The following FBXO25 variants were observed in gnomAD, a reference collection of about 807,000 sequenced individuals.
FBXO25 encodes the protein F-box protein 25.
A neutral mutation model predicts 51.9 loss-of-function variants in FBXO25; 45 were observed. The ratio of observed to expected loss-of-function variants is 0.87; its 90% CI spans 0.68 to 1.11. The LOEUF is 1.11. Ranked by LOEUF, FBXO25 falls within the 50% of genes most tolerant of loss-of-function variation. The pLI is 0.00. For synonymous variants in FBXO25, 199 were observed against 151.0 expected, an observed-to-expected ratio of 1.32 and a Z score of -2.33; for missense variants, 507 against 428.5, an observed-to-expected ratio of 1.18 and a Z score of -1.62.
intron 5 of FBXO25, among the ~76,000 whole-genome samples, chr8:437,921 C>G (rs1417942876): frequency 6.6e-6 from 1 of 152,098 alleles, no homozygotes; most frequent in African/African-American, 2.4e-5. Flanking sequence ...CATAATGTCA[C>G]TCAGTATTAT....
At position 407,339 on chromosome 8, in the gene FBXO25, A is replaced by T. The variant is rs1407779283; in HGVS notation, c.-8+273A>T. On this transcript the variant is annotated intron_variant, in intron 1 of 9. Coordinates refer to ENST00000350302, the MANE Select transcript of FBXO25 (RefSeq NM_183420.2). ...CGCGGGCGCGTCAGGTGGGGACGGG[A>T]TTGCCGCGTGCGCGTCTGCTGAAGT... The T allele has an allele frequency of 2.7e-5, 25 of 942,108 alleles. No homozygotes were observed. In the African/African-American group the frequency reaches 5.3e-4, roughly 20 times the overall value. 58.4% of individuals were successfully genotyped at this position (942,108 alleles called of 1,614,324 possible).
intron 5 of FBXO25, among the ~76,000 whole-genome samples, chr8:449,150 C>G (rs1233681550): frequency 6.6e-6 from 1 of 151,990 alleles, no homozygotes; most frequent in African/African-American, 2.4e-5. Flanking sequence ...AGAAGCACAC[C>G]TAAAACAGAG....
chr8:438,009 A>G (rs1033438986), intron 5 of FBXO25, among the ~76,000 whole-genome samples: 9 of 151,778 alleles, frequency 5.9e-5, no homozygotes, highest in Admixed American at 3.3e-4. Context: ...TTCTAATGGC[A>G]TTTAGTAATA....
intron 5 of FBXO25, among the ~76,000 whole-genome samples, chr8:448,047 A>G (rs1269335403): frequency 6.6e-6 from 1 of 152,228 alleles, no homozygotes; most frequent in Non-Finnish European, 1.5e-5. Context: ...GAATGAGAAA[A>G]TTAATAAGAA....
chr8:450,031 T>C lies in FBXO25; in HGVS notation c.423T>C (p.Ser141=), dbSNP rs1332416677. 5 of 1,613,262 alleles carry C rather than the reference T, an allele frequency of 3.1e-6. No individual in the cohort carries two copies. The highest frequency in any genetic ancestry group is 2.7e-5 in the African/African-American group (2 of 74,914). The change falls in exon 6 of 10, where the codon AGT becomes AGC. Residue 141 remains serine (S), a synonymous_variant. Transcript: ENST00000350302. The part of the protein sequence containing the change: ...LIAKSQLTSL[S]GVAQKNYFNI... ...CAAAATCCCAGTTAACTTCATTGAG[T>C]GGCGTGGCACAGAAGAATTACTTCA... is the stretch of plus-strand genomic sequence containing the variant.
chr8:424,525 G>C (rs191355282), intron 2 of FBXO25, among the ~76,000 whole-genome samples: 1 of 152,252 alleles, frequency 6.6e-6, no homozygotes, highest in East Asian at 1.9e-4. Context: ...AATATATTTT[G>C]AGTTAATTTT....
At position 472,904 on chromosome 8, in the gene FBXO25, C is replaced by T. The variant is rs915022096; in HGVS notation, c.*4100C>T. 7 of 152,216 alleles carry T rather than the reference C, an allele frequency of 4.6e-5. No individual in the cohort carries two copies. Among genetic ancestry groups the T allele is most frequent in the African/African-American group, 1.2e-4 (5 of 41,458 alleles). 9.4% of individuals were successfully genotyped at this position (152,216 alleles called of 1,614,324 possible). Reference sequence around the variant, plus strand: ...AAACTCGACTTTTTAATCTCCCTCTCTTCATTATGATGTGTGCACGTGATG... The same window carrying T: ...AAACTCGACTTTTTAATCTCCCTCTTTTCATTATGATGTGTGCACGTGATG... On this transcript the variant is annotated 3_prime_UTR_variant, in exon 10 of 10. Transcript: ENST00000350302.
In FBXO25 at chr8:476,047, T is replaced by A. The variant is rs1310280467; in HGVS notation, c.*7243T>A. ...TGGCCTCTATTTTAGGTTGTTTCCT[T>A]CTATTCCCAATTGTTGAGTTTTTAT... On this transcript the variant is annotated 3_prime_UTR_variant, in exon 10 of 10. Transcript: ENST00000350302. The A allele has an allele frequency of 1.3e-5, 2 of 152,192 alleles. No homozygotes were observed. Among genetic ancestry groups the A allele is most frequent in the Non-Finnish European group, 2.9e-5 (2 of 68,022 alleles). 9.4% of individuals were successfully genotyped at this position (152,192 alleles called of 1,614,324 possible).
rs537842932 is a variant in FBXO25, at chr8:416,693, A to G, written c.134+3480A>G. ...GGTAGATAAAATCTACCCAGGAGCCAGACTTAGAGATGTCTCTGGTCTTAT... is the reference window on the plus strand; with the variant it reads ...GGTAGATAAAATCTACCCAGGAGCCGGACTTAGAGATGTCTCTGGTCTTAT... On this transcript the variant is annotated intron_variant, in intron 2 of 9. Coordinates refer to ENST00000350302, the MANE Select transcript of FBXO25 (RefSeq NM_183420.2). Among the ~76,000 whole-genome samples the G allele has an allele frequency of 2.2e-3, 334 of 152,328 alleles. 2 individuals carry two copies. Among genetic ancestry groups the G allele is most frequent in the South Asian group, 6.6e-3 (32 of 4,828 alleles).
chr8:457,151 C>T (rs1799493407), intron 7 of FBXO25, among the ~76,000 whole-genome samples: 2 of 152,186 alleles, frequency 1.3e-5, no homozygotes, highest in South Asian at 2.1e-4. Context: ...GGTGAGCACA[C>T]GACAGAAGCG....
rs1800493187 is a variant in FBXO25, at chr8:471,794, G to T, written c.*2990G>T. On this transcript the variant is annotated 3_prime_UTR_variant, in exon 10 of 10. Transcript: ENST00000350302. ...GAGCAGACCGATTTGTAGCTGTCGT[G>T]GTTTACTGCATGACGTACAGGCTCT... 1 of 152,154 alleles carries T rather than the reference G, an allele frequency of 6.6e-6. No homozygotes were observed. The highest frequency in any genetic ancestry group is 6.5e-5 in the Admixed American group (1 of 15,274). The allele number at this position is 152,154 out of a possible 1,614,324, so 9.4% of individuals were successfully genotyped here. A position where few individuals can be genotyped will look rare whatever the true frequency, so the allele number is the denominator to read the frequency against.
intron 7 of FBXO25, among the ~76,000 whole-genome samples, chr8:458,085 C>T (rs532287004): frequency 1.3e-5 from 2 of 152,276 alleles, no homozygotes; most frequent in African/African-American, 4.8e-5. Context: ...GAGTACTGAC[C>T]TCCTGATGCT....
intron 5 of FBXO25, 107 bp downstream of exon 5, chr8:435,814 G>A: frequency 1.4e-6 from 2 of 1,479,308 alleles, no homozygotes; most frequent in Admixed American, 2.5e-5. Context: ...TTGAAGGTGT[G>A]CCTGTTTGCT....
In FBXO25 at chr8:458,399, C is replaced by T; in HGVS notation, c.691C>T (p.Leu231Phe). 6.2e-7 allele frequency: 1 copy of T among 1,613,956 alleles called. No individual in the cohort carries two copies. The highest frequency in any genetic ancestry group is 8.5e-7 in the Non-Finnish European group (1 of 1,179,936). The change falls in exon 8 of 10, where the codon CTT becomes TTT. Residue 231 changes from leucine (L) to phenylalanine (F), a missense_variant. Transcript: ENST00000350302. ...QVNNGLTLSD[L>F]PLHMLNNILY... ...GAACAATGGCCTCACCCTCAGTGAC[C>T]TTCCTCTGCACATGCTGAACAACAT... is the stretch of plus-strand genomic sequence containing the variant.
At chr8:426,872 T>C (rs1191660729) in intron 2 of FBXO25, among the ~76,000 whole-genome samples, 1 of 151,650 alleles carries the variant, frequency 6.6e-6, no homozygotes, top group Non-Finnish European at 1.5e-5. Context: ...AAGGGTGTGT[T>C]AAGAGTCCGT....
In FBXO25 at chr8:463,055, T is replaced by A; in HGVS notation, c.892T>A (p.Leu298Met). ...LSEKGHIEWK[L>M]MYFALQKHYP... is the part of the protein sequence containing the mutation. ...AGAAAAAGGTCATATTGAATGGAAG[T>A]TGATGTACTTTGCACTTCAGAAACA... is the stretch of plus-strand genomic sequence containing the variant. The change falls in exon 9 of 10, where the codon TTG becomes ATG. Residue 298 changes from leucine (L) to methionine (M), a missense_variant. Transcript: ENST00000350302. 6.2e-7 allele frequency: 1 copy of A among 1,613,788 alleles called. No homozygotes were observed. Among genetic ancestry groups the A allele is most frequent in the Non-Finnish European group, 8.5e-7 (1 of 1,179,946 alleles).
rs1390937639 is a variant in FBXO25 at position 470,489 on chromosome 8, C to T, written c.*1685C>T. 1 of 143,582 alleles carries T rather than the reference C, an allele frequency of 7.0e-6. No individual in the cohort carries two copies. Among genetic ancestry groups the T allele is most frequent in the African/African-American group, 2.5e-5 (1 of 39,846 alleles). The allele number at this position is 143,582 out of a possible 1,614,324, so 8.9% of individuals were successfully genotyped here. A position where few individuals can be genotyped will look rare whatever the true frequency, so the allele number is the denominator to read the frequency against. On this transcript the variant is annotated 3_prime_UTR_variant, in exon 10 of 10. Transcript: ENST00000350302. Reference sequence around the variant, plus strand: ...TCCCACCTCACCCTCCAGTGATCCTCCCACCTCAGCCTCCCAAGCAGTCAG... The same window carrying T: ...TCCCACCTCACCCTCCAGTGATCCTTCCACCTCAGCCTCCCAAGCAGTCAG...
Position 413,069 on chromosome 8 carries a change from A to G in FBXO25, c.-7-4A>G, listed in dbSNP as rs1335732070. On this transcript the variant is annotated splice_region_variant and splice_polypyrimidine_tract_variant and intron_variant, in intron 1 of 9. Transcript: ENST00000350302. ...CTTTTTAACATAATTTAACTTTTTCATAGGAGAACTATGCCATTTTTGGGT... is the reference window on the plus strand; with the variant it reads ...CTTTTTAACATAATTTAACTTTTTCGTAGGAGAACTATGCCATTTTTGGGT... The G allele has an allele frequency of 5.4e-6, 8 of 1,486,394 alleles. No homozygotes were observed. The South Asian group carries it at 5.9e-5, about 11-fold the overall frequency. 92.1% of individuals were successfully genotyped at this position (1,486,394 alleles called of 1,614,324 possible).
At position 475,151 on chromosome 8, in the gene FBXO25, C is replaced by G. The variant is rs1800604109; in HGVS notation, c.*6347C>G. ...TTTTTATATATGGTGTGAGGTAGAT[C>G]TAGCTTCATGTGGATGTCCACTTGT... is the stretch of plus-strand genomic sequence containing the variant. On this transcript the variant is annotated 3_prime_UTR_variant, in exon 10 of 10. Transcript: ENST00000350302. 5.7e-6 allele frequency: 2 copies of G among 350,382 alleles called. No individual in the cohort carries two copies. Among genetic ancestry groups the G allele is most frequent in the South Asian group, 4.6e-5 (2 of 43,884 alleles). The allele number at this position is 350,382 out of a possible 1,614,324, so 21.7% of individuals were successfully genotyped here. A position where few individuals can be genotyped will look rare whatever the true frequency, so the allele number is the denominator to read the frequency against.
Sources: allele counts gnomAD v4.1 joint callset (sites outside exome capture counted in the v4.1 genomes callset), GRCh38; gene constraint gnomAD v4.1.1; transcripts MANE v1.5; gene names NCBI Gene and HGNC (gene_info 2026-07-23, HGNC 2026-07-21).